LMX1B: variants seen among roughly 807,000 people sequenced by gnomAD.
LMX1B encodes the protein LIM homeobox transcription factor 1 beta.
Under a neutral mutation model 51.4 loss-of-function variants are expected in LMX1B, and 12 were observed. That is an observed-to-expected ratio of 0.23 (90% CI 0.15 to 0.38). The LOEUF (loss-of-function observed/expected upper bound fraction) is 0.38. Among genes scored for constraint, LMX1B ranks in the 10% least tolerant of loss-of-function variants. The pLI is 1.00. For synonymous variants in LMX1B, 237 were observed against 235.4 expected (o/e 1.01, Z -0.06); for missense variants, 445 against 571.1 (o/e 0.78, Z 2.25).
At chr9:126,689,895 G>A (rs1030094434) in intron 2 of LMX1B, among the ~76,000 whole-genome samples, 7 of 152,190 alleles carry the variant, frequency 4.6e-5, no homozygotes, top group African/African-American at 1.7e-4. Flanking sequence ...TTCTTGCAGG[G>A]TTGTTGCAAG....
chr9:126,614,711 C>T, intron 1 of LMX1B, 123 bp downstream of exon 1: 3 of 1,124,780 alleles, frequency 2.7e-6, no homozygotes, highest in Admixed American at 3.1e-5. Flanking sequence ...GGGGAGGAGG[C>T]AGAGACAGGA....
intron 2 of LMX1B, among the ~76,000 whole-genome samples, chr9:126,643,171 TG>T (rs1167538437): frequency 2.6e-5 from 4 of 151,818 alleles, no homozygotes; most frequent in Non-Finnish European, 4.4e-5. Flanking sequence ...GGGTGGAGGC[TG>T]GGGGGCAGTT....
chr9:126,658,390 C>CG lies in LMX1B; in HGVS notation c.327-32443dup, dbSNP rs1228879904. Among the ~76,000 whole-genome samples the CG allele has an allele frequency of 6.7e-6, 1 of 148,828 alleles. No homozygotes were observed. Among genetic ancestry groups the CG allele is most frequent in the Non-Finnish European group, 1.5e-5 (1 of 67,374 alleles). On this transcript the variant is annotated intron_variant, in intron 2 of 7. Transcript: ENST00000373474. The surrounding 1 kb of genome is among the most constrained non-coding windows in gnomAD (Gnocchi z 4.0). Reference sequence around the variant, plus strand: ...TTCGGCTGGCCCTCCCCCTGGCTGCCGGGCCCGGGCACCCCTGCTGCTGAC... The same window carrying CG: ...TTCGGCTGGCCCTCCCCCTGGCTGCCGGGGCCCGGGCACCCCTGCTGCTGAC...
chr9:126,656,178 A>AT lies in LMX1B; in HGVS notation c.327-34652dup, dbSNP rs139537608. Among the ~76,000 whole-genome samples the AT allele has an allele frequency of 7.1e-3, 1,083 of 152,276 alleles. 19 individuals are homozygous for AT. The highest frequency in any genetic ancestry group is 0.025 in the African/African-American group (1,018 of 41,542). On this transcript the variant is annotated intron_variant, in intron 2 of 7. Coordinates refer to ENST00000373474, the MANE Select transcript of LMX1B (RefSeq NM_001174147.2). Reference sequence around the variant, plus strand: ...GAATAGATATATTTTTACCAAATTTATTTTTTGCAGTTTCCTTAAATGAGG... The same window carrying AT: ...GAATAGATATATTTTTACCAAATTTATTTTTTTGCAGTTTCCTTAAATGAGG...
chr9:126,613,982 G>C lies in LMX1B; in HGVS notation c.-468G>C, dbSNP rs560711428. Among the ~76,000 whole-genome samples the C allele has an allele frequency of 4.7e-3, 679 of 144,838 alleles. 6 individuals are homozygous for C. Among genetic ancestry groups the C allele is most frequent in the African/African-American group, 0.016 (648 of 40,404 alleles). ...GGGCGCACCATGGCACTGGAGTAGC[G>C]CGGGGAGCGCGCCCGGAGCCCCGCG... On this transcript the variant is annotated 5_prime_UTR_variant, in exon 1 of 8. Transcript: ENST00000373474. The surrounding 1 kb of genome is among the most constrained non-coding windows in gnomAD (Gnocchi z 4.5).
At chr9:126,652,618 T>C (rs1836042579) in intron 2 of LMX1B, among the ~76,000 whole-genome samples, 1 of 152,222 alleles carries the variant, frequency 6.6e-6, no homozygotes, top group Non-Finnish European at 1.5e-5. Context: ...ACTGTGTGTG[T>C]GTGTGGATGG....
chr9:126,652,349 G>A (rs1490696097), intron 2 of LMX1B, among the ~76,000 whole-genome samples: 2 of 152,204 alleles, frequency 1.3e-5, no homozygotes, highest in African/African-American at 4.8e-5. Context: ...TCACAGAGGA[G>A]GGAAGGGCTC....
Position 126,677,681 on chromosome 9 carries a change from C to A in LMX1B, c.327-13155C>A, listed in dbSNP as rs191968211. On this transcript the variant is annotated intron_variant, in intron 2 of 7. Transcript: ENST00000373474. This position sits in a 1 kb window ranked among gnomAD's most constrained non-coding sequence, Gnocchi z 5.0. ...AGGCCCCTGAGTGTGAAGCTCTGAG[C>A]ACAGGGCTGAACTGGTTCCCGTGAG... Among the ~76,000 whole-genome samples, 420 of 152,300 alleles carry A rather than the reference C, an allele frequency of 2.8e-3. 1 individual carries two copies. Among genetic ancestry groups the A allele is most frequent in the Admixed American group, 5.7e-3 (87 of 15,306 alleles).
chr9:126,687,086 G>A (rs1208404558), intron 2 of LMX1B, among the ~76,000 whole-genome samples: 3 of 152,208 alleles, frequency 2.0e-5, no homozygotes, highest in South Asian at 2.1e-4. Context: ...AGCAACAAAG[G>A]CGTTTTGGGC....
At chr9:126,659,965 A>T (rs540236762) in intron 2 of LMX1B, among the ~76,000 whole-genome samples, 1 of 148,970 alleles carries the variant, frequency 6.7e-6, no homozygotes, top group South Asian at 2.1e-4. Context: ...GGGGGTGTCT[A>T]CACTGGCTTC....
chr9:126,647,813 G>A (rs1034337291), intron 2 of LMX1B, among the ~76,000 whole-genome samples: 1 of 152,254 alleles, frequency 6.6e-6, no homozygotes, highest in Non-Finnish European at 1.5e-5. Context: ...CCCACACTGT[G>A]TCCTTTGGGA....
Position 126,618,940 on chromosome 9 carries a change from C to CG in LMX1B, c.326+3374dup, listed in dbSNP as rs1835356876. Among the ~76,000 whole-genome samples the CG allele has an allele frequency of 6.6e-6, 1 of 151,892 alleles. No individual in the cohort carries two copies. Among genetic ancestry groups the CG allele is most frequent in the Admixed American group, 6.5e-5 (1 of 15,276 alleles). On this transcript the variant is annotated intron_variant, in intron 2 of 7. Coordinates refer to ENST00000373474, the MANE Select transcript of LMX1B (RefSeq NM_001174147.2). This position sits in a 1 kb window ranked among gnomAD's most constrained non-coding sequence, Gnocchi z 4.5. ...CACGGCGAGACGCGGGGTTCCGGCC[C>CG]GGGCCGCGCTCCTACCTCGGCGGCG...
chr9:126,637,837 C>T (rs1184297876), intron 2 of LMX1B, among the ~76,000 whole-genome samples: 1 of 145,750 alleles, frequency 6.9e-6, no homozygotes, highest in African/African-American at 2.5e-5. Context: ...CCCCCCCGCC[C>T]CCCGCTCTCT....
At chr9:126,646,299 C>T (rs1835898824) in intron 2 of LMX1B, among the ~76,000 whole-genome samples, 1 of 152,066 alleles carries the variant, frequency 6.6e-6, no homozygotes, top group Non-Finnish European at 1.5e-5. Flanking sequence ...CACCTACCTA[C>T]TCATCCAGCC....
chr9:126,647,465 C>T lies in LMX1B; in HGVS notation c.326+31896C>T, dbSNP rs1212296021. Among the ~76,000 whole-genome samples the T allele has an allele frequency of 2.0e-5, 3 of 152,192 alleles. No homozygotes were observed. The East Asian group carries it at 5.8e-4, about 29-fold the overall frequency. ...CACTTGCCCGTTCCTTTCACCTTGGCGCCTTCAGCTCCTCCTCACTGTGCA... is the reference window on the plus strand; with the variant it reads ...CACTTGCCCGTTCCTTTCACCTTGGTGCCTTCAGCTCCTCCTCACTGTGCA... On this transcript the variant is annotated intron_variant, in intron 2 of 7. Coordinates refer to ENST00000373474, the MANE Select transcript of LMX1B (RefSeq NM_001174147.2).
rs1285235170 is a variant in LMX1B at position 126,626,677 on chromosome 9, T to C, written c.326+11108T>C. On this transcript the variant is annotated intron_variant, in intron 2 of 7. Transcript: ENST00000373474. The surrounding 1 kb of genome is among the most constrained non-coding windows in gnomAD (Gnocchi z 4.3). The stretch of plus-strand genomic sequence containing the variant: ...TTTTTTTGGCAAGAAAAATAAGCCT[T>C]GTTTGGAAAGGGGTGGGTGGGGGGC... Among the ~76,000 whole-genome samples the C allele has an allele frequency of 6.6e-6, 1 of 151,514 alleles. No homozygotes were observed. The highest frequency in any genetic ancestry group is 2.0e-4 in the East Asian group (1 of 5,098).
chr9:126,676,764 T>G (rs879382693), intron 2 of LMX1B, among the ~76,000 whole-genome samples: 1 of 151,982 alleles, frequency 6.6e-6, no homozygotes, highest in Non-Finnish European at 1.5e-5. Context: ...TTACCAGGGG[T>G]GGGGTCCGCA....
chr9:126,685,061 A>G (rs928570279), intron 2 of LMX1B, among the ~76,000 whole-genome samples: 1 of 152,176 alleles, frequency 6.6e-6, no homozygotes, highest in African/African-American at 2.4e-5. Context: ...AATTAGACCC[A>G]GTATCTGATT....
In LMX1B at chr9:126,615,640, G is replaced by T; in HGVS notation, c.326+71G>T. The T allele has an allele frequency of 7.0e-7, 1 of 1,437,296 alleles. No homozygotes were observed. The highest frequency in any genetic ancestry group is 9.5e-7 in the Non-Finnish European group (1 of 1,057,740). The allele number at this position is 1,437,296 out of a possible 1,614,324, so 89.0% of individuals were successfully genotyped here. On this transcript the variant is annotated intron_variant, in intron 2 of 7. Coordinates refer to ENST00000373474, the MANE Select transcript of LMX1B (RefSeq NM_001174147.2). This position sits in a 1 kb window ranked among gnomAD's most constrained non-coding sequence, Gnocchi z 6.0. ...GCCCGGTCAGCCCCCTGCCGGGCCC[G>T]GCCCGCGCCCGCTCTGCCGCCGGCT...
Sources: allele counts gnomAD v4.1 joint callset (sites outside exome capture counted in the v4.1 genomes callset), GRCh38; gene constraint gnomAD v4.1.1; non-coding constraint Gnocchi (gnomAD v3.1); transcripts MANE v1.5; gene names NCBI Gene and HGNC (gene_info 2026-07-23, HGNC 2026-07-21).